Variants in VAV3 observed in about 807,000 individuals in gnomAD.
VAV3 encodes the protein guanine nucleotide exchange factor VAV3.
Under a neutral mutation model 131.2 loss-of-function variants are expected in VAV3, and 94 were observed. That is an observed-to-expected ratio of 0.72 (90% CI 0.61 to 0.85). VAV3 has a LOEUF of 0.85. Ranked by LOEUF, VAV3 falls within the 40% of genes least tolerant of loss-of-function variation. The pLI is 0.00. For missense variants in VAV3, 939 were observed against 1,002.7 expected (o/e 0.94, Z 0.86); for synonymous variants, 349 against 342.0 (o/e 1.02, Z -0.22).
At chr1:107,573,466 C>A in intron 26 of VAV3, 94 bp from the exon 27 acceptor site, 2 of 1,468,034 alleles carry the variant, frequency 1.4e-6, no homozygotes, top group South Asian at 1.2e-5. Context: ...CATAACACCC[C>A]AATTAAACTG....
chr1:107,596,890 T>C (rs1343198768), intron 24 of VAV3, among the ~76,000 whole-genome samples: 1 of 152,230 alleles, frequency 6.6e-6, no homozygotes, highest in Non-Finnish European at 1.5e-5. Flanking sequence ...TCCGCATATC[T>C]GCTACTCACA....
At chr1:107,669,201 CTTTCCAAAG>C (rs757115784) in intron 19 of VAV3, 207 of 1,149,174 alleles carry the variant, frequency 1.8e-4, no homozygotes, top group Non-Finnish European at 2.0e-4. Flanking sequence ...TCAAAGTCTT[CTTTCCAAAG>C]TACTTTGAAT....
At chr1:107,597,349 T>C (rs1651480236) in intron 24 of VAV3, among the ~76,000 whole-genome samples, 1 of 151,894 alleles carries the variant, frequency 6.6e-6, no homozygotes, top group African/African-American at 2.4e-5. Context: ...AGTCCAAAAA[T>C]CAGCTGAAAG....
intron 1 of VAV3, among the ~76,000 whole-genome samples, chr1:107,898,737 A>T (rs962901914): frequency 6.6e-6 from 1 of 152,230 alleles, no homozygotes; most frequent in African/African-American, 2.4e-5. Context: ...TACTGAAAAC[A>T]CATATCCCAT....
At position 107,886,266 on chromosome 1, in the gene VAV3, G is replaced by A. The variant is rs79483381; in HGVS notation, c.205-11249C>T. ...TCTCAGTTTATACACATAACCCGAT[G>A]AAGAAGATGCCATTATTCCATTCTA... On this transcript the variant is annotated intron_variant, in intron 1 of 26. Coordinates refer to ENST00000370056, the MANE Select transcript of VAV3 (RefSeq NM_006113.5). Among the ~76,000 whole-genome samples the A allele has an allele frequency of 4.0e-3, 602 of 152,318 alleles. 3 individuals carry two copies. The highest frequency in any genetic ancestry group is 0.014 in the African/African-American group (572 of 41,570).
chr1:107,704,642 A>T lies in VAV3; in HGVS notation c.1613T>A (p.Phe538Tyr). The change falls in exon 17 of 27, where the codon TTT becomes TAT. Residue 538 changes from phenylalanine to tyrosine, a missense_variant. By Grantham distance (22) the Phe-to-Tyr change is conservative. Transcript: ENST00000370056. ...CTTAAAACATAAATAGCCTTGATAA[A>T]ATGTTCCCCTGAAAGGTGAAATAAG... Reference protein sequence around the residue: ...KVCQMLLRGTFYQGYLCFKCG... With the variant: ...KVCQMLLRGTYYQGYLCFKCG... 1 of 1,613,128 alleles carries T rather than the reference A, an allele frequency of 6.2e-7. No homozygotes were observed. Among genetic ancestry groups the T allele is most frequent in the Non-Finnish European group, 8.5e-7 (1 of 1,179,420 alleles).
At chr1:107,873,745 T>C (rs1426664814) in intron 2 of VAV3, among the ~76,000 whole-genome samples, 1 of 152,092 alleles carries the variant, frequency 6.6e-6, no homozygotes, top group East Asian at 1.9e-4. Flanking sequence ...AACCACCTTC[T>C]TATCCCCCCT....
chr1:107,726,755 G>T (rs1661867557), intron 15 of VAV3, among the ~76,000 whole-genome samples: 1 of 152,176 alleles, frequency 6.6e-6, no homozygotes, highest in Non-Finnish European at 1.5e-5. Flanking sequence ...TGATTAAATA[G>T]ATTTTGATTA....
At position 107,770,634 on chromosome 1, in the gene VAV3, A is replaced by C. The variant is rs1209015400; in HGVS notation, c.648+2T>G. Reference sequence around the variant, plus strand: ...CATCAAAAATAATACCTGATGACTTACCTTTTCTATTGACTCCAAAGTTTC... The same window carrying C: ...CATCAAAAATAATACCTGATGACTTCCCTTTTCTATTGACTCCAAAGTTTC... On this transcript the variant is annotated splice_donor_variant, in intron 6 of 26. Coordinates refer to ENST00000370056, the MANE Select transcript of VAV3 (RefSeq NM_006113.5). LOFTEE classifies it high-confidence loss of function. 1 of 1,590,976 alleles carries C rather than the reference A, an allele frequency of 6.3e-7. No homozygotes were observed. The highest frequency in any genetic ancestry group is 1.7e-5 in the Admixed American group (1 of 59,654).
chr1:107,754,525 C>T (rs567586430), intron 12 of VAV3, among the ~76,000 whole-genome samples: 1 of 152,200 alleles, frequency 6.6e-6, no homozygotes, highest in Non-Finnish European at 1.5e-5. Context: ...AGCTTGCTGG[C>T]TGGGCTGCCT....
At chr1:107,835,118 A>G (rs763060804) in intron 2 of VAV3, among the ~76,000 whole-genome samples, 1 of 152,146 alleles carries the variant, frequency 6.6e-6, no homozygotes, top group Non-Finnish European at 1.5e-5. Context: ...GAGTAGGGCT[A>G]TATTTTCTGC....
intron 17 of VAV3, among the ~76,000 whole-genome samples, chr1:107,699,403 C>T (rs1659951078): frequency 6.6e-6 from 1 of 152,250 alleles, no homozygotes; most frequent in Non-Finnish European, 1.5e-5. Flanking sequence ...GCAGCTCTGC[C>T]CCTATGGCGT....
intron 25 of VAV3, among the ~76,000 whole-genome samples, chr1:107,581,579 T>A (rs1650054073): frequency 1.3e-5 from 2 of 152,222 alleles, no homozygotes; most frequent in South Asian, 4.1e-4. Context: ...TGGCAAATCA[T>A]TAGTGGTTAT....
chr1:107,676,450 G>A (rs1658216446), intron 19 of VAV3, among the ~76,000 whole-genome samples: 1 of 152,186 alleles, frequency 6.6e-6, no homozygotes, highest in African/African-American at 2.4e-5. Flanking sequence ...AAAAACCTCT[G>A]TGAGGTGCAT....
At chr1:107,958,874 A>G (rs186183404) in intron 1 of VAV3, among the ~76,000 whole-genome samples, 69 of 152,292 alleles carry the variant, frequency 4.5e-4, no homozygotes, top group African/African-American at 1.2e-3. Context: ...TTCACATACA[A>G]ATACATATAC....
intron 15 of VAV3, among the ~76,000 whole-genome samples, chr1:107,723,819 CAATAACCT>C (rs1661665780): frequency 1.3e-5 from 2 of 152,076 alleles, no homozygotes; most frequent in African/African-American, 4.8e-5. Context: ...AGAACAAAAA[CAATAACCT>C]AATCAAAATG....
intron 1 of VAV3, among the ~76,000 whole-genome samples, chr1:107,887,358 T>C (rs1671085057): frequency 6.6e-6 from 1 of 152,230 alleles, no homozygotes; most frequent in South Asian, 2.1e-4. Flanking sequence ...GCAATATCAA[T>C]AATACTCTCA....
intron 24 of VAV3, among the ~76,000 whole-genome samples, chr1:107,599,812 G>T (rs188290326): frequency 9.3e-5 from 14 of 151,114 alleles, no homozygotes; most frequent in African/African-American, 3.4e-4. Flanking sequence ...TTCACAGATA[G>T]AAGAGTAAAC....
intron 1 of VAV3, among the ~76,000 whole-genome samples, chr1:107,929,304 A>AT (rs1480372130): frequency 2.1e-5 from 3 of 146,262 alleles, no homozygotes; most frequent in South Asian, 4.4e-4. Flanking sequence ...AAAAAAAAAA[A>AT]AAATTATGCC....
Sources: gnomAD v4.1 joint callset for allele counts (sites outside exome capture counted in the v4.1 genomes callset) on GRCh38, gnomAD v4.1.1 for gene constraint, MANE v1.5 for transcripts, NCBI Gene and HGNC (gene_info 2026-07-23, HGNC 2026-07-21) for gene names.